Variants in FOXQ1 observed in about 807,000 individuals in gnomAD.
The protein encoded by FOXQ1 is forkhead box Q1, also known as forkhead box protein Q1.
A neutral mutation model predicts 0.6 loss-of-function variants in FOXQ1; 1 was observed. That is an observed-to-expected ratio of 1.73 (90% confidence interval 0.61 to 8.20). The LOEUF (loss-of-function observed/expected upper bound fraction) is 8.20, where lower values mean the gene tolerates loss of function less well. Ranked by LOEUF, FOXQ1 falls within the 30% of genes most tolerant of loss-of-function variation. FOXQ1 has a pLI of 0.13. For missense variants in FOXQ1, 734 were observed against 595.6 expected (o/e 1.23, Z -2.42); for synonymous variants, 377 against 294.4 (o/e 1.28, Z -2.87).
chr6:1,312,292 G>A lies in FOXQ1; in HGVS notation c.-413G>A, dbSNP rs1367653723. On this transcript the variant is annotated 5_prime_UTR_variant, in exon 1 of 1. Transcript: ENST00000296839. ...CCCCGAAGACGCCCGCGCGGGACCT[G>A]GGACCGCCAGTGAAGAACCCCTCCT... 1.2e-5 allele frequency: 2 copies of A among 160,166 alleles called. No homozygotes were observed. Among genetic ancestry groups the A allele is most frequent in the Non-Finnish European group, 2.7e-5 (2 of 73,604 alleles). 9.9% of individuals were successfully genotyped at this position (160,166 alleles called of 1,614,324 possible).
In FOXQ1 at chr6:1,313,534, T is replaced by C; in HGVS notation, c.830T>C (p.Leu277Pro). The change falls in exon 1 of 1, where the codon CTG (leucine) becomes CCG (proline). Residue 277 changes from leucine (L) to proline (P), a missense_variant. Leu to Pro is a moderately conservative substitution (Grantham distance 98). Transcript: ENST00000296839. The surrounding 1 kb of genome is among the most constrained non-coding windows in gnomAD (Gnocchi z 5.2). ...AGCTCCTTCGCCATCGACAGCATCC[T>C]GCGCAAGCCCTTCCGCAGCCGCCGC... Reference protein sequence around the residue: ...FSSSFAIDSILRKPFRSRRLR... With the variant: ...FSSSFAIDSIPRKPFRSRRLR... 7.9e-7 allele frequency: 1 copy of C among 1,263,008 alleles called. No homozygotes were observed. Among genetic ancestry groups the C allele is most frequent in the Non-Finnish European group, 1.0e-6 (1 of 983,186 alleles). The allele number at this position is 1,263,008 out of a possible 1,614,324, so 78.2% of individuals were successfully genotyped here.
chr6:1,313,557 C>A lies in FOXQ1; in HGVS notation c.853C>A (p.Arg285Ser). The change falls in exon 1 of 1, where the codon CGC becomes AGC. Residue 285 changes from arginine (R) to serine (S), a missense_variant. Arg to Ser is a moderately radical substitution (Grantham distance 110). Transcript: ENST00000296839. The surrounding 1 kb of genome is among the most constrained non-coding windows in gnomAD (Gnocchi z 5.2). ...SILRKPFRSR[R>S]LRDTAPGTTL... The stretch of plus-strand genomic sequence containing the variant: ...CCTGCGCAAGCCCTTCCGCAGCCGC[C>A]GCCTCAGGGACACGGCCCCCGGGAC... 1.6e-6 allele frequency: 2 copies of A among 1,260,462 alleles called. No individual in the cohort carries two copies. The highest frequency in any genetic ancestry group is 1.0e-6 in the Non-Finnish European group (1 of 984,226). The allele number at this position is 1,260,462 out of a possible 1,614,324, so 78.1% of individuals were successfully genotyped here.
At position 1,313,767 on chromosome 6, in the gene FOXQ1, G is replaced by T. The variant is rs1414668673; in HGVS notation, c.1063G>T (p.Ala355Ser). 2 of 1,232,738 alleles carry T rather than the reference G, an allele frequency of 1.6e-6. No individual in the cohort carries two copies. Among genetic ancestry groups the T allele is most frequent in the South Asian group, 6.6e-5 (2 of 30,226 alleles). The allele number at this position is 1,232,738 out of a possible 1,614,324, so 76.4% of individuals were successfully genotyped here. A position where few individuals can be genotyped will look rare whatever the true frequency, so the allele number is the denominator to read the frequency against. The stretch of plus-strand genomic sequence containing the variant: ...GCCCCTCCTGCTTGCACCTCTCCCG[G>T]CGGCGGCCCCCGCCAAGCCACTCCG... Reference protein sequence around the residue: ...APPLLLAPLPAAAPAKPLRGP... With the variant: ...APPLLLAPLPSAAPAKPLRGP... Residue 355 changes from alanine (A) to serine (S), a missense_variant, in exon 1 of 1, where the codon GCG becomes TCG. Physicochemically the swap from Ala to Ser is moderately conservative, Grantham distance 99. Coordinates refer to ENST00000296839, the MANE Select transcript of FOXQ1 (RefSeq NM_033260.4). This position sits in a 1 kb window ranked among gnomAD's most constrained non-coding sequence, Gnocchi z 5.2.
Position 1,313,928 on chromosome 6 carries a change from G to A in FOXQ1, c.*12G>A. 1 of 1,228,166 alleles carries A rather than the reference G, an allele frequency of 8.1e-7. No homozygotes were observed. The highest frequency in any genetic ancestry group is 1.0e-6 in the Non-Finnish European group (1 of 984,820). The allele number at this position is 1,228,166 out of a possible 1,614,324, so 76.1% of individuals were successfully genotyped here. On this transcript the variant is annotated 3_prime_UTR_variant, in exon 1 of 1. Transcript: ENST00000296839. The surrounding 1 kb of genome is among the most constrained non-coding windows in gnomAD (Gnocchi z 5.2). Reference sequence around the variant, plus strand: ...CGCTCCTAGCCTGAGTAGCGCCGCGGGGCCCGGGAACGCCGAGTGCGCGCC... The same window carrying A: ...CGCTCCTAGCCTGAGTAGCGCCGCGAGGCCCGGGAACGCCGAGTGCGCGCC...
Position 1,313,252 on chromosome 6 carries a change from ACC to A in FOXQ1, c.551_552del (p.Pro184LeufsTer264). 1 of 1,609,744 alleles carries A rather than the reference ACC, an allele frequency of 6.2e-7. No individual in the cohort carries two copies. Among genetic ancestry groups the A allele is most frequent in the East Asian group, 2.2e-5 (1 of 44,510 alleles). ...GACTGCTTCGTCAAGGTGCTGCGCG[ACC>A]CCTCGCGGCCCTGGGGCAAGGACAA... On this transcript the variant is annotated frameshift_variant, in exon 1 of 1. Coordinates refer to ENST00000296839, the MANE Select transcript of FOXQ1 (RefSeq NM_033260.4). LOFTEE classifies it low-confidence loss of function (END_TRUNC). This position sits in a 1 kb window ranked among gnomAD's most constrained non-coding sequence, Gnocchi z 5.2.
In FOXQ1 at chr6:1,312,867, G is replaced by A. The variant is rs1436473904; in HGVS notation, c.163G>A (p.Gly55Ser). 2 of 1,276,560 alleles carry A rather than the reference G, an allele frequency of 1.6e-6. No homozygotes were observed. Among genetic ancestry groups the A allele is most frequent in the South Asian group, 2.8e-5 (1 of 36,024 alleles). 79.1% of individuals were successfully genotyped at this position (1,276,560 alleles called of 1,614,324 possible). The change falls in exon 1 of 1, where the codon GGC becomes AGC. Residue 55 changes from glycine to serine, a missense_variant. Gly to Ser is a moderately conservative substitution (Grantham distance 56). Coordinates refer to ENST00000296839, the MANE Select transcript of FOXQ1 (RefSeq NM_033260.4). Reference sequence around the variant, plus strand: ...CGCGGCCAACAGCCCGGCCGCGGGCGGCGGCGCCAGAGATACGCAGGGCGA... The same window carrying A: ...CGCGGCCAACAGCCCGGCCGCGGGCAGCGGCGCCAGAGATACGCAGGGCGA... ...DCAANSPAAG[G>S]GARDTQGDGE...
rs1757569739 is a variant in FOXQ1, at chr6:1,312,818, C to G, written c.114C>G (p.Asp38Glu). 1 of 1,305,604 alleles carries G rather than the reference C, an allele frequency of 7.7e-7. No individual in the cohort carries two copies. Among genetic ancestry groups the G allele is most frequent in the African/African-American group, 1.5e-5 (1 of 64,744 alleles). 80.9% of individuals were successfully genotyped at this position (1,305,604 alleles called of 1,614,324 possible). Residue 38 changes from aspartate to glutamate, a missense_variant, in exon 1 of 1, where the codon GAC becomes GAG. Physicochemically the swap from Asp to Glu is conservative, Grantham distance 45 (BLOSUM62 2). Transcript: ENST00000296839. Reference protein sequence around the residue: ...APSPLSAAGDDSLGSDGDCAA... With the variant: ...APSPLSAAGDESLGSDGDCAA... ...CCCCGCTGTCGGCGGCGGGAGACGA[C>G]TCCCTGGGCTCAGATGGGGACTGCG...
Position 1,313,527 on chromosome 6 carries a change from A to G in FOXQ1, c.823A>G (p.Ser275Gly). The change falls in exon 1 of 1, where the codon AGC becomes GGC. Residue 275 changes from serine to glycine, a missense_variant. Ser to Gly is a moderately conservative substitution (Grantham distance 56). Transcript: ENST00000296839. The surrounding 1 kb of genome is among the most constrained non-coding windows in gnomAD (Gnocchi z 5.2). ...GTTCTCCAGCTCCTTCGCCATCGAC[A>G]GCATCCTGCGCAAGCCCTTCCGCAG... The part of the protein sequence containing the change: ...GKFSSSFAID[S>G]ILRKPFRSRR... 1.6e-6 allele frequency: 2 copies of G among 1,264,736 alleles called. No individual in the cohort carries two copies. Among genetic ancestry groups the G allele is most frequent in the Non-Finnish European group, 2.0e-6 (2 of 983,666 alleles). The allele number at this position is 1,264,736 out of a possible 1,614,324, so 78.3% of individuals were successfully genotyped here. A position where few individuals can be genotyped will look rare whatever the true frequency, so the allele number is the denominator to read the frequency against.
At position 1,312,552 on chromosome 6, in the gene FOXQ1, AAAGT is replaced by A. The variant is rs1240930444; in HGVS notation, c.-152_-149del. The A allele has an allele frequency of 3.4e-5, 40 of 1,176,532 alleles. No homozygotes were observed. Among genetic ancestry groups the A allele is most frequent in the African/African-American group, 3.3e-4 (21 of 63,138 alleles). 72.9% of individuals were successfully genotyped at this position (1,176,532 alleles called of 1,614,324 possible). ...AAGCCCAGCGGAAGAGGACTCCGGA[AAAGT>A]GACTATCTCGGAAGACCAGGGTAGA... On this transcript the variant is annotated 5_prime_UTR_variant, in exon 1 of 1. Coordinates refer to ENST00000296839, the MANE Select transcript of FOXQ1 (RefSeq NM_033260.4).
At position 1,313,344 on chromosome 6, in the gene FOXQ1, A is replaced by C; in HGVS notation, c.640A>C (p.Lys214Gln). The part of the protein sequence containing the change: ...FADGVFRRRR[K>Q]RLSHRAPVPA... ...CGACGGGGTCTTCCGCCGCCGCCGC[A>C]AGCGCCTCAGCCACCGCGCGCCGGT... is the stretch of plus-strand genomic sequence containing the variant. The change falls in exon 1 of 1, where the codon AAG (lysine) becomes CAG (glutamine). Residue 214 changes from lysine (K) to glutamine (Q), a missense_variant. Transcript: ENST00000296839. This position sits in a 1 kb window ranked among gnomAD's most constrained non-coding sequence, Gnocchi z 5.2. The C allele has an allele frequency of 3.2e-6, 5 of 1,563,664 alleles. No homozygotes were observed. Among genetic ancestry groups the C allele is most frequent in the Non-Finnish European group, 3.5e-6 (4 of 1,156,962 alleles).
rs1757583401 is a variant in FOXQ1, at chr6:1,313,394, G to A, written c.690G>A (p.Glu230=). The A allele has an allele frequency of 4.0e-6, 5 of 1,240,900 alleles. No homozygotes were observed. In the South Asian group the frequency reaches 8.6e-5, roughly 21 times the overall value. 76.9% of individuals were successfully genotyped at this position (1,240,900 alleles called of 1,614,324 possible). A position where few individuals can be genotyped will look rare whatever the true frequency, so the allele number is the denominator to read the frequency against. Residue 230 remains glutamate (E), a synonymous_variant, in exon 1 of 1, where the codon GAG becomes GAA. Coordinates refer to ENST00000296839, the MANE Select transcript of FOXQ1 (RefSeq NM_033260.4). This position sits in a 1 kb window ranked among gnomAD's most constrained non-coding sequence, Gnocchi z 5.2. Reference sequence around the variant, plus strand: ...TCCCCGCGCCCGGGCTGCGGCCCGAGGAGGCCCCGGGCCTCCCCGCCGCCC... The same window carrying A: ...TCCCCGCGCCCGGGCTGCGGCCCGAAGAGGCCCCGGGCCTCCCCGCCGCCC... The part of the protein sequence containing the change: ...APVPAPGLRP[E]EAPGLPAAPP...
At position 1,313,524 on chromosome 6, in the gene FOXQ1, G is replaced by C. The variant is rs1243596476; in HGVS notation, c.820G>C (p.Asp274His). ...CAAGTTCTCCAGCTCCTTCGCCATCGACAGCATCCTGCGCAAGCCCTTCCG... is the reference window on the plus strand; with the variant it reads ...CAAGTTCTCCAGCTCCTTCGCCATCCACAGCATCCTGCGCAAGCCCTTCCG... ...AGKFSSSFAI[D>H]SILRKPFRSR... Residue 274 changes from aspartate to histidine, a missense_variant, in exon 1 of 1, where the codon GAC (aspartate) becomes CAC (histidine). Transcript: ENST00000296839. This position sits in a 1 kb window ranked among gnomAD's most constrained non-coding sequence, Gnocchi z 5.2. 10 of 1,261,056 alleles carry C rather than the reference G, an allele frequency of 7.9e-6. No homozygotes were observed. Among genetic ancestry groups the C allele is most frequent in the Non-Finnish European group, 1.0e-5 (10 of 981,420 alleles). 78.1% of individuals were successfully genotyped at this position (1,261,056 alleles called of 1,614,324 possible). A position where few individuals can be genotyped will look rare whatever the true frequency, so the allele number is the denominator to read the frequency against.
chr6:1,313,960 G>T lies in FOXQ1; in HGVS notation c.*44G>T. 11 of 1,219,906 alleles carry T rather than the reference G, an allele frequency of 9.0e-6. No homozygotes were observed. The highest frequency in any genetic ancestry group is 1.1e-5 in the Non-Finnish European group (11 of 979,012). 75.6% of individuals were successfully genotyped at this position (1,219,906 alleles called of 1,614,324 possible). ...GGAACGCCGAGTGCGCGCCGTCGGG[G>T]AGGCGGGAACGCGGGCCCGCGCGCG... On this transcript the variant is annotated 3_prime_UTR_variant, in exon 1 of 1. Transcript: ENST00000296839. This position sits in a 1 kb window ranked among gnomAD's most constrained non-coding sequence, Gnocchi z 5.2.
chr6:1,312,500 C>A lies in FOXQ1; in HGVS notation c.-205C>A. The stretch of plus-strand genomic sequence containing the variant: ...CCTCCCTCTCCGCCCCATAGTCCAC[C>A]CAACACTTGCAGCCCCTCCAGAGAA... On this transcript the variant is annotated 5_prime_UTR_variant, in exon 1 of 1. Transcript: ENST00000296839. 1.3e-6 allele frequency: 1 copy of A among 770,828 alleles called. No homozygotes were observed. Among genetic ancestry groups the A allele is most frequent in the Non-Finnish European group, 1.8e-6 (1 of 567,794 alleles). The allele number at this position is 770,828 out of a possible 1,614,324, so 47.7% of individuals were successfully genotyped here.
Position 1,313,120 on chromosome 6 carries a change from G to A in FOXQ1, c.416G>A (p.Arg139His), listed in dbSNP as rs1453129566. Residue 139 changes from arginine (R) to histidine (H), a missense_variant, in exon 1 of 1, where the codon CGC becomes CAC. By Grantham distance (29) the Arg-to-His change is conservative. Transcript: ENST00000296839. This position sits in a 1 kb window ranked among gnomAD's most constrained non-coding sequence, Gnocchi z 5.2. Reference protein sequence around the residue: ...AMAIRDSAGGRLTLAEINEYL... With the variant: ...AMAIRDSAGGHLTLAEINEYL... ...GCCATCCGCGACTCGGCGGGCGGGC[G>A]CTTGACGCTGGCGGAGATCAACGAG... The A allele has an allele frequency of 6.2e-7, 1 of 1,606,640 alleles. No individual in the cohort carries two copies. The highest frequency in any genetic ancestry group is 8.5e-7 in the Non-Finnish European group (1 of 1,176,824).
Position 1,313,199 on chromosome 6 carries a change from C to T in FOXQ1, c.495C>T (p.Asn165=), listed in dbSNP as rs1286546472. The T allele has an allele frequency of 1.2e-6, 2 of 1,609,898 alleles. No individual in the cohort carries two copies. Among genetic ancestry groups the T allele is most frequent in the African/African-American group, 2.7e-5 (2 of 74,654 alleles). The change falls in exon 1 of 1, where the codon AAC becomes AAT. Residue 165 remains asparagine (N), a synonymous_variant. Coordinates refer to ENST00000296839, the MANE Select transcript of FOXQ1 (RefSeq NM_033260.4). This position sits in a 1 kb window ranked among gnomAD's most constrained non-coding sequence, Gnocchi z 5.2. ...FFRGSYTGWR[N]SVRHNLSLND... Reference sequence around the variant, plus strand: ...GCGGCAGCTACACGGGCTGGCGCAACTCCGTGCGCCACAACCTTTCGCTCA... The same window carrying T: ...GCGGCAGCTACACGGGCTGGCGCAATTCCGTGCGCCACAACCTTTCGCTCA...
chr6:1,313,463 G>T lies in FOXQ1; in HGVS notation c.759G>T (p.Ser253=). 1 of 1,071,308 alleles carries T rather than the reference G, an allele frequency of 9.3e-7. No individual in the cohort carries two copies. Among genetic ancestry groups the T allele is most frequent in the Admixed American group, 4.7e-5 (1 of 21,266 alleles). The allele number at this position is 1,071,308 out of a possible 1,614,324, so 66.4% of individuals were successfully genotyped here. ...CCCCGGCCTCGCCCCGCATGCGCTC[G>T]CCCGCCCGCCAGGAGGAGCGCGCCA... The part of the protein sequence containing the change: ...PAAPASPRMR[S]PARQEERASP... The change falls in exon 1 of 1, where the codon TCG becomes TCT. Residue 253 remains serine (S), a synonymous_variant. Coordinates refer to ENST00000296839, the MANE Select transcript of FOXQ1 (RefSeq NM_033260.4). This position sits in a 1 kb window ranked among gnomAD's most constrained non-coding sequence, Gnocchi z 5.2.
In FOXQ1 at chr6:1,313,718, G is replaced by A; in HGVS notation, c.1014G>A (p.Glu338=). The stretch of plus-strand genomic sequence containing the variant: ...AGCCGGCGCGGCTGGGCGCGCGCGA[G>A]GCCGAGGTGCCACCGACCGCGCCGC... ...AGEPARLGAR[E]AEVPPTAPPL... The change falls in exon 1 of 1, where the codon GAG becomes GAA. Residue 338 remains glutamate (E), a synonymous_variant. Coordinates refer to ENST00000296839, the MANE Select transcript of FOXQ1 (RefSeq NM_033260.4). This position sits in a 1 kb window ranked among gnomAD's most constrained non-coding sequence, Gnocchi z 5.2. 1.8e-6 allele frequency: 2 copies of A among 1,111,044 alleles called. No homozygotes were observed. Among genetic ancestry groups the A allele is most frequent in the Non-Finnish European group, 2.2e-6 (2 of 912,058 alleles). 68.8% of individuals were successfully genotyped at this position (1,111,044 alleles called of 1,614,324 possible).
rs912462921 is a variant in FOXQ1 at position 1,312,285 on chromosome 6, G to T, written c.-420G>T. Among the ~76,000 whole-genome samples the T allele has an allele frequency of 2.0e-5, 3 of 152,250 alleles. No homozygotes were observed. Among genetic ancestry groups the T allele is most frequent in the Admixed American group, 6.5e-5 (1 of 15,288 alleles). ...TTCCGTGCCCCGAAGACGCCCGCGC[G>T]GGACCTGGGACCGCCAGTGAAGAAC... On this transcript the variant is annotated 5_prime_UTR_variant, in exon 1 of 1. Transcript: ENST00000296839.
Sources: allele counts gnomAD v4.1 joint callset (sites outside exome capture counted in the v4.1 genomes callset), GRCh38; gene constraint gnomAD v4.1.1; non-coding constraint Gnocchi (gnomAD v3.1); transcripts MANE v1.5; gene names NCBI Gene and HGNC (gene_info 2026-07-23, HGNC 2026-07-21).